Variants in LPCAT1 observed in about 807,000 individuals in gnomAD.
LPCAT1 encodes 1-acylglycerol-3-phosphate O-acyltransferase.
In LPCAT1, 23 loss-of-function variants were observed where a neutral mutation model predicts 60.9. The ratio of observed to expected loss-of-function variants is 0.38; its 90% confidence interval spans 0.27 to 0.53. The LOEUF (loss-of-function observed/expected upper bound fraction) is 0.53, where lower values mean the gene tolerates loss of function less well. Among genes scored for constraint, LPCAT1 ranks in the 20% least tolerant of loss-of-function variants. The probability of loss-of-function intolerance (pLI) is 0.82; values close to 1 mark genes in which losing one functional copy is unlikely to be tolerated. For synonymous variants in LPCAT1, 340 were observed against 301.1 expected (o/e 1.13, Z -1.34); for missense variants, 622 against 723.6 (o/e 0.86, Z 1.61).
intron 1 of LPCAT1, among the ~76,000 whole-genome samples, chr5:1,505,564 TAGGG>T (rs1736157592): frequency 3.0e-5 from 1 of 32,954 alleles, no homozygotes. Context: ...GCATGCCGGG[TAGGG>T]TAGTCAGGCT....
At chr5:1,479,762 A>G in intron 7 of LPCAT1, 87 bp from the exon 8 acceptor site, 1 of 1,060,362 alleles carries the variant, frequency 9.4e-7, no homozygotes, top group South Asian at 1.3e-5. Flanking sequence ...AAACCTCCAG[A>G]CGCGCCCTCC....
intron 2 of LPCAT1, among the ~76,000 whole-genome samples, chr5:1,497,294 C>T (rs1228992159): frequency 1.3e-5 from 2 of 152,244 alleles, no homozygotes; most frequent in Non-Finnish European, 2.9e-5. Context: ...AGGAGGAAGG[C>T]CGCTGAGGCC....
intron 1 of LPCAT1, among the ~76,000 whole-genome samples, chr5:1,519,930 C>T (rs116114195): frequency 1.1e-3 from 173 of 152,248 alleles, no homozygotes; most frequent in Non-Finnish European, 2.2e-3. Flanking sequence ...GCCCTGTGCT[C>T]CCACCGGGTA....
Position 1,462,785 on chromosome 5 carries a change from A to G in LPCAT1, c.*866T>C, listed in dbSNP as rs929315685. The G allele has an allele frequency of 1.1e-4, 16 of 152,246 alleles. No homozygotes were observed. The highest frequency in any genetic ancestry group is 3.4e-4 in the African/African-American group (14 of 41,464). The allele number at this position is 152,246 out of a possible 1,614,324, so 9.4% of individuals were successfully genotyped here. On this transcript the variant is annotated 3_prime_UTR_variant, in exon 14 of 14. Transcript: ENST00000283415. ...AACCTCGGACTGGAGTTTAGGCTAC[A>G]GTGAAATGGATTACGTTATGCCGAA...
At chr5:1,492,554 T>C (rs1324298514) in intron 3 of LPCAT1, among the ~76,000 whole-genome samples, 3 of 145,586 alleles carry the variant, frequency 2.1e-5, no homozygotes, top group Non-Finnish European at 4.5e-5. Flanking sequence ...CTTGTCACTA[T>C]CCTCTCCCTC....
rs753162863 is a variant in LPCAT1 at position 1,476,825 on chromosome 5, C to T, written c.899+579G>A. On this transcript the variant is annotated intron_variant, in intron 9 of 13. Transcript: ENST00000283415. The surrounding 1 kb of genome is among the most constrained non-coding windows in gnomAD (Gnocchi z 8.6). ...GAGATGGGGAGGGCGTGTGAGCTGA[C>T]GACACCGAGGGAGGGAGAGGGGGAG... 6.1e-5 allele frequency among the ~76,000 whole-genome samples: 9 copies of T among 147,378 alleles called. No homozygotes were observed. Among genetic ancestry groups the T allele is most frequent in the Middle Eastern group, 6.9e-3 (2 of 288 alleles).
chr5:1,508,998 C>T (rs1448562043), intron 1 of LPCAT1, among the ~76,000 whole-genome samples: 5 of 152,268 alleles, frequency 3.3e-5, no homozygotes, highest in East Asian at 1.9e-4. Flanking sequence ...TCGCGGTGCC[C>T]GACAGGGGTG....
chr5:1,482,042 A>G (rs1311219051), intron 6 of LPCAT1, among the ~76,000 whole-genome samples: 2 of 152,190 alleles, frequency 1.3e-5, no homozygotes, highest in African/African-American at 4.8e-5. Flanking sequence ...AGGAACTGCT[A>G]TAGACGGGAA....
At chr5:1,517,577 C>T (rs971639474) in intron 1 of LPCAT1, among the ~76,000 whole-genome samples, 7 of 152,154 alleles carry the variant, frequency 4.6e-5, no homozygotes, top group Admixed American at 2.6e-4. Context: ...GTGTGGTAGT[C>T]GAGTCCCGTG....
rs562058267 is a variant in LPCAT1, at chr5:1,479,617, G to A, written c.816+4C>T. 2.9e-5 allele frequency: 46 copies of A among 1,604,118 alleles called. 1 individual carries two copies. In the South Asian group the frequency reaches 4.6e-4, roughly 16 times the overall value. Reference sequence around the variant, plus strand: ...GCGCTGTGTAACTCTGTATCCATACGAACCTCGATTTCCACTTGGTTGTGA... The same window carrying A: ...GCGCTGTGTAACTCTGTATCCATACAAACCTCGATTTCCACTTGGTTGTGA... On this transcript the variant is annotated splice_donor_region_variant and intron_variant, in intron 8 of 13. Coordinates refer to ENST00000283415, the MANE Select transcript of LPCAT1 (RefSeq NM_024830.5).
At position 1,479,630 on chromosome 5, in the gene LPCAT1, C is replaced by T; in HGVS notation, c.807G>A (p.Val269=). The part of the protein sequence containing the change: ...WLTLCQFHNQ[V]EIEFLPVYSP... ...CTGTATCCATACGAACCTCGATTTC[C>T]ACTTGGTTGTGAAACTGACACAGCG... The change falls in exon 8 of 14, where the codon GTG becomes GTA. Residue 269 remains valine (V), a synonymous_variant. Transcript: ENST00000283415. 1.2e-6 allele frequency: 2 copies of T among 1,610,772 alleles called. No homozygotes were observed. The highest frequency in any genetic ancestry group is 1.7e-6 in the Non-Finnish European group (2 of 1,176,870).
At chr5:1,468,188 C>A (rs541243454) in intron 12 of LPCAT1, among the ~76,000 whole-genome samples, 5 of 152,326 alleles carry the variant, frequency 3.3e-5, no homozygotes, top group South Asian at 2.1e-4. Flanking sequence ...CTGCTCCAGG[C>A]TCTGGAGACC....
intron 1 of LPCAT1, among the ~76,000 whole-genome samples, chr5:1,516,396 G>A (rs539715191): frequency 4.6e-5 from 7 of 152,266 alleles, no homozygotes; most frequent in African/African-American, 1.7e-4. Context: ...GCAGAAAGGT[G>A]GATCTAACCC....
chr5:1,500,137 C>A (rs1395955046), intron 2 of LPCAT1, among the ~76,000 whole-genome samples: 1 of 152,240 alleles, frequency 6.6e-6, no homozygotes, highest in Non-Finnish European at 1.5e-5. Flanking sequence ...GCAGCAGCCT[C>A]CAATTAACTA....
In LPCAT1 at chr5:1,474,080, CA is replaced by C; in HGVS notation, c.1055del (p.Leu352ArgfsTer10). 1 of 1,613,648 alleles carries C rather than the reference CA, an allele frequency of 6.2e-7. No individual in the cohort carries two copies. The highest frequency in any genetic ancestry group is 8.5e-7 in the Non-Finnish European group (1 of 1,179,878). On this transcript the variant is annotated frameshift_variant, in exon 11 of 14. Coordinates refer to ENST00000283415, the MANE Select transcript of LPCAT1 (RefSeq NM_024830.5). LOFTEE classifies it high-confidence loss of function. Reference protein sequence around the residue: ...GLKPEKLEKDLDRYSERARMK... With the variant: ...GLKPEKLEKDXDRYSERARMK... ...TCCTGGCTCTTTCTGAGTATCTGTC[CA>C]GATCTTTTTCAAGCTTTTCTGGTTT...
intron 1 of LPCAT1, among the ~76,000 whole-genome samples, chr5:1,506,246 G>A (rs1736183230): frequency 6.6e-6 from 1 of 152,188 alleles, no homozygotes; most frequent in Non-Finnish European, 1.5e-5. Flanking sequence ...AGTGCTCCTG[G>A]TGAAGAGCCC....
chr5:1,514,539 T>A (rs1455930538), intron 1 of LPCAT1, among the ~76,000 whole-genome samples: 2 of 152,156 alleles, frequency 1.3e-5, no homozygotes, highest in Non-Finnish European at 2.9e-5. Flanking sequence ...GGTGGTCAAG[T>A]GAACCAAACG....
At chr5:1,482,716 CTGGGGTGGGGTGGGG>C (rs527826129) in intron 6 of LPCAT1, among the ~76,000 whole-genome samples, 1 of 25,786 alleles carries the variant, frequency 3.9e-5, no homozygotes, top group Non-Finnish European at 1.1e-4. Flanking sequence ...CCAGGGCAGG[CTGGGGTGGGGTGGGG>C]TGGGGTGTGG....
At chr5:1,466,983 G>A in intron 12 of LPCAT1, 93 bp from the exon 13 acceptor site, 3 of 1,305,496 alleles carry the variant, frequency 2.3e-6, no homozygotes, top group Non-Finnish European at 2.9e-6. Context: ...GCCCCGCTTT[G>A]TCAGAGCTGC....
Sources: gnomAD v4.1 joint callset for allele counts (sites outside exome capture counted in the v4.1 genomes callset) on GRCh38, gnomAD v4.1.1 for gene constraint, Gnocchi (gnomAD v3.1) non-coding constraint, MANE v1.5 for transcripts, NCBI Gene and HGNC (gene_info 2026-07-23, HGNC 2026-07-21) for gene names.